Variants in NCAM1 observed in about 807,000 individuals in gnomAD.
NCAM1 encodes neural cell adhesion molecule 1.
Under a neutral mutation model 109.8 loss-of-function variants are expected in NCAM1, and 14 were observed. That is an observed-to-expected ratio of 0.13 (90% CI 0.08 to 0.20). The LOEUF (loss-of-function observed/expected upper bound fraction) is 0.20. NCAM1 is among the 10% of genes least tolerant of loss of function. The pLI is 1.00. For missense variants in NCAM1, 774 were observed against 1,109.9 expected (o/e 0.70, Z 4.30); for synonymous variants, 418 against 442.9 (o/e 0.94, Z 0.70).
intron 1 of NCAM1, among the ~76,000 whole-genome samples, chr11:113,064,474 A>G (rs868928058): frequency 7.2e-5 from 11 of 152,232 alleles, no homozygotes. Context: ...AATTATACCA[A>G]TATACCTTTT....
intron 1 of NCAM1, among the ~76,000 whole-genome samples, chr11:113,171,511 T>C (rs1164796148): frequency 1.3e-5 from 2 of 152,120 alleles, no homozygotes; most frequent in Non-Finnish European, 2.9e-5. Context: ...CACATGCCTG[T>C]AATCCCAGCT....
chr11:113,244,939 C>A (rs1427143799), intron 14 of NCAM1, among the ~76,000 whole-genome samples: 1 of 152,144 alleles, frequency 6.6e-6, no homozygotes, highest in Non-Finnish European at 1.5e-5. Context: ...GTCTTCATCT[C>A]CCTTCTTTGC....
intron 1 of NCAM1, among the ~76,000 whole-genome samples, chr11:113,122,600 G>A (rs1008732435): frequency 6.6e-6 from 1 of 152,068 alleles, no homozygotes; most frequent in Non-Finnish European, 1.5e-5. Context: ...CCTAACTAAC[G>A]TGTAGAAACC....
intron 1 of NCAM1, among the ~76,000 whole-genome samples, chr11:113,018,746 A>T (rs1952288236): frequency 6.6e-6 from 1 of 152,156 alleles, no homozygotes; most frequent in South Asian, 2.1e-4. Context: ...TAATTTTTTT[A>T]AGTCATTTAA....
At chr11:113,083,159 G>A (rs1432354680) in intron 1 of NCAM1, among the ~76,000 whole-genome samples, 1 of 152,008 alleles carries the variant, frequency 6.6e-6, no homozygotes, top group Admixed American at 6.6e-5. Flanking sequence ...CCATGTGGTG[G>A]GGTGTGCTAT....
At chr11:113,067,778 T>G (rs1555084467) in intron 1 of NCAM1, among the ~76,000 whole-genome samples, 2 of 152,196 alleles carry the variant, frequency 1.3e-5, no homozygotes. Flanking sequence ...CAAAGGCTCC[T>G]GTAGTCAAAT....
At chr11:113,120,792 A>G (rs551114349) in intron 1 of NCAM1, among the ~76,000 whole-genome samples, 1 of 152,344 alleles carries the variant, frequency 6.6e-6, no homozygotes, top group Admixed American at 6.5e-5. Flanking sequence ...AGAAAATGCC[A>G]GAGGGTTGAT....
intron 1 of NCAM1, among the ~76,000 whole-genome samples, chr11:113,166,487 A>G (rs1477641875): frequency 6.6e-6 from 1 of 152,232 alleles, no homozygotes. Flanking sequence ...TCTCAGCCTC[A>G]ACTTCCTCAC....
chr11:113,107,184 G>T (rs111717435), intron 1 of NCAM1, among the ~76,000 whole-genome samples: 3 of 152,244 alleles, frequency 2.0e-5, no homozygotes, highest in African/African-American at 7.2e-5. Flanking sequence ...GAGAAAGTTT[G>T]GGTTTTAAAG....
At chr11:113,107,773 T>C (rs1040030943) in intron 1 of NCAM1, among the ~76,000 whole-genome samples, 4 of 152,178 alleles carry the variant, frequency 2.6e-5, no homozygotes, top group Non-Finnish European at 2.9e-5. Flanking sequence ...AAGATGAGAT[T>C]TGGGTGGGGA....
At chr11:113,255,748 T>G in intron 15 of NCAM1, 129 bp from the exon 16 acceptor site, 1 of 1,087,850 alleles carries the variant, frequency 9.2e-7, no homozygotes, top group East Asian at 2.6e-5. Flanking sequence ...TTTATTGCTT[T>G]TTAACCATTT....
intron 1 of NCAM1, among the ~76,000 whole-genome samples, chr11:113,099,085 C>T (rs113581851): frequency 1.8e-4 from 27 of 152,270 alleles, no homozygotes; most frequent in African/African-American, 6.3e-4. Flanking sequence ...AGAAGGTAGG[C>T]GCTATTACTT....
intron 1 of NCAM1, among the ~76,000 whole-genome samples, chr11:113,010,492 T>A (rs1379282739): frequency 6.6e-6 from 1 of 152,196 alleles, no homozygotes; most frequent in Non-Finnish European, 1.5e-5. Context: ...CCACCTCACC[T>A]GTTATTTATG....
chr11:113,232,330 C>T lies in NCAM1; in HGVS notation c.1401C>T (p.Asn467=), dbSNP rs782506670. Residue 467 remains asparagine (N), a synonymous_variant, in exon 11 of 20, where the codon AAC becomes AAT. Coordinates refer to ENST00000316851, the MANE Select transcript of NCAM1 (RefSeq NM_181351.5). ...ATTACAGCAATATCAAGATCTACAA[C>T]ACCCCCTCTGCCAGCTATCTGGAGG... ...SSNYSNIKIY[N]TPSASYLEVT... 1.9e-6 allele frequency: 3 copies of T among 1,611,850 alleles called. No individual in the cohort carries two copies. The highest frequency in any genetic ancestry group is 1.1e-5 in the South Asian group (1 of 90,666).
intron 1 of NCAM1, among the ~76,000 whole-genome samples, chr11:113,095,315 C>CGTGT (rs147958488): frequency 1.3e-5 from 2 of 151,156 alleles, no homozygotes; most frequent in Non-Finnish European, 3.0e-5. Flanking sequence ...TAATAGAATG[C>CGTGT]GTGTGTGTGT....
intron 1 of NCAM1, among the ~76,000 whole-genome samples, chr11:113,011,624 G>A (rs1014348775): frequency 1.3e-5 from 2 of 152,164 alleles, no homozygotes; most frequent in Admixed American, 6.5e-5. Context: ...TCCAGCATTG[G>A]GGTAGGATTT....
rs550678489 is a variant in NCAM1 at position 113,234,582 on chromosome 11, A to G, written c.1694-451A>G. On this transcript the variant is annotated intron_variant, in intron 13 of 19. Coordinates refer to ENST00000316851, the MANE Select transcript of NCAM1 (RefSeq NM_181351.5). ...GCTAGCTTATTTTATTTCACTTAGC[A>G]TAATATCTTCAAGGTTCATCCATGT... Among the ~76,000 whole-genome samples, 12 of 152,362 alleles carry G rather than the reference A, an allele frequency of 7.9e-5. No homozygotes were observed. The East Asian group carries it at 1.9e-3, about 24-fold the overall frequency.
intron 1 of NCAM1, among the ~76,000 whole-genome samples, chr11:113,171,276 T>C (rs1370894108): frequency 6.6e-6 from 1 of 152,216 alleles, no homozygotes; most frequent in Non-Finnish European, 1.5e-5. Flanking sequence ...CTCTGATCTA[T>C]TCCCCCATAT....
At chr11:113,136,433 G>T (rs548487893) in intron 1 of NCAM1, among the ~76,000 whole-genome samples, 1 of 152,298 alleles carries the variant, frequency 6.6e-6, no homozygotes, top group African/African-American at 2.4e-5. Flanking sequence ...GCTCTCCTTC[G>T]CATGGTGCAG....
Sources: allele counts gnomAD v4.1 joint callset (sites outside exome capture counted in the v4.1 genomes callset), GRCh38; gene constraint gnomAD v4.1.1; transcripts MANE v1.5; gene names NCBI Gene and HGNC (gene_info 2026-07-23, HGNC 2026-07-21).